GPAT3: variants seen among roughly 807,000 people sequenced by gnomAD.
GPAT3 encodes 1-AGP acyltransferase 9.
Under a neutral mutation model 58.8 loss-of-function variants are expected in GPAT3, and 53 were observed. The ratio of observed to expected loss-of-function variants is 0.90; its 90% confidence interval spans 0.72 to 1.13. The LOEUF is 1.13. Ranked by LOEUF, GPAT3 falls within the 50% of genes most tolerant of loss-of-function variation. The probability of loss-of-function intolerance (pLI) is 0.00; values close to 1 mark genes in which losing one functional copy is unlikely to be tolerated. For missense variants in GPAT3, 511 were observed against 527.6 expected (o/e 0.97, Z 0.31); for synonymous variants, 197 against 187.4 (o/e 1.05, Z -0.42).
At chr4:83,589,209 C>T (rs1452466225) in intron 5 of GPAT3, among the ~76,000 whole-genome samples, 1 of 152,194 alleles carries the variant, frequency 6.6e-6, no homozygotes. Context: ...TTCCTAACTT[C>T]TTATAGAATT....
chr4:83,581,863 C>A (rs200743329), intron 3 of GPAT3, 31 bp downstream of exon 3: 12 of 1,576,612 alleles, frequency 7.6e-6, no homozygotes, highest in Non-Finnish European at 1.0e-5. Flanking sequence ...TTTGATGATA[C>A]GCTTGACTCA....
chr4:83,602,397 C>T (rs1298469875), intron 11 of GPAT3, among the ~76,000 whole-genome samples: 2 of 152,056 alleles, frequency 1.3e-5, no homozygotes, highest in Non-Finnish European at 2.9e-5. Context: ...ATTACCTAGC[C>T]TCTTAAAAAA....
chr4:83,568,841 C>T (rs1249951200), intron 2 of GPAT3, among the ~76,000 whole-genome samples: 2 of 152,116 alleles, frequency 1.3e-5, no homozygotes, highest in Admixed American at 6.6e-5. Context: ...CTCTTCAATT[C>T]CCCCACTTCC....
At chr4:83,571,866 G>A (rs528885557) in intron 2 of GPAT3, among the ~76,000 whole-genome samples, 9 of 151,864 alleles carry the variant, frequency 5.9e-5, no homozygotes, top group Admixed American at 2.0e-4. Context: ...TCTGCCTCCC[G>A]GGTTCAAGCA....
At chr4:83,589,268 T>C (rs1726500574) in intron 5 of GPAT3, among the ~76,000 whole-genome samples, 1 of 152,232 alleles carries the variant, frequency 6.6e-6, no homozygotes, top group Non-Finnish European at 1.5e-5. Context: ...ATTTGGTTCT[T>C]TCTTCTCTGT....
chr4:83,598,522 A>G lies in GPAT3; in HGVS notation c.1126-122A>G, dbSNP rs1293209954. On this transcript the variant is annotated intron_variant, in intron 10 of 11. Transcript: ENST00000264409. ...TGATATTTGCTATGATTGATTAAGAATAGAAAGCATTTGAGCTGAAATATG... is the reference window on the plus strand; with the variant it reads ...TGATATTTGCTATGATTGATTAAGAGTAGAAAGCATTTGAGCTGAAATATG... 6.7e-6 allele frequency: 6 copies of G among 902,242 alleles called. No individual in the cohort carries two copies. In the African/African-American group the frequency reaches 8.5e-5, roughly 13 times the overall value. The allele number at this position is 902,242 out of a possible 1,614,324, so 55.9% of individuals were successfully genotyped here. A position where few individuals can be genotyped will look rare whatever the true frequency, so the allele number is the denominator to read the frequency against.
At chr4:83,539,092 C>A (rs1014966806) in intron 1 of GPAT3, among the ~76,000 whole-genome samples, 1 of 152,194 alleles carries the variant, frequency 6.6e-6, no homozygotes, top group African/African-American at 2.4e-5. Flanking sequence ...GATCCTCTAT[C>A]CTTCAACTAG....
chr4:83,595,016 T>C (rs892089863), intron 7 of GPAT3, 56 bp downstream of exon 7: 7 of 1,501,342 alleles, frequency 4.7e-6, no homozygotes, highest in Non-Finnish European at 4.6e-6. Flanking sequence ...TGACCAATCT[T>C]GGCCTTGCTA....
intron 2 of GPAT3, among the ~76,000 whole-genome samples, chr4:83,553,649 A>G (rs1211477157): frequency 1.3e-5 from 2 of 152,158 alleles, no homozygotes; most frequent in Admixed American, 1.3e-4. Context: ...CTGTAATCCC[A>G]GCACTTTGGG....
At chr4:83,578,936 T>G in intron 2 of GPAT3, among the ~76,000 whole-genome samples, 1 of 1,882 alleles carries the variant, frequency 5.3e-4, no homozygotes, top group African/African-American at 2.8e-3. Flanking sequence ...TTTCTTTCTT[T>G]CTTTTCTTTT....
chr4:83,541,393 CTTTT>C (rs777665390), intron 1 of GPAT3, among the ~76,000 whole-genome samples: 1 of 113,704 alleles, frequency 8.8e-6, no homozygotes, highest in Non-Finnish European at 1.7e-5. Context: ...AATTTAAAAC[CTTTT>C]TTTTTTTTTT....
intron 2 of GPAT3, among the ~76,000 whole-genome samples, chr4:83,555,415 G>T (rs559187541): frequency 1.1e-3 from 172 of 151,694 alleles, no homozygotes; most frequent in Admixed American, 2.6e-3. Context: ...TATGGAAGCT[G>T]ATGTCATGAA....
intron 2 of GPAT3, among the ~76,000 whole-genome samples, chr4:83,548,104 C>T (rs1724614155): frequency 6.6e-6 from 1 of 152,124 alleles, no homozygotes. Context: ...TTATAGTTAC[C>T]CTTCTACCCT....
chr4:83,595,713 TAA>T (rs113323142), intron 7 of GPAT3, among the ~76,000 whole-genome samples: 4 of 143,620 alleles, frequency 2.8e-5, no homozygotes, highest in African/African-American at 5.1e-5. Context: ...GACCTTGTCT[TAA>T]AAAAAAAAAA....
Position 83,536,667 on chromosome 4 carries a change from G to C in GPAT3, c.45G>C (p.Leu15=). Residue 15 remains leucine (L), a synonymous_variant, in exon 1 of 12, where the codon CTG becomes CTC. Coordinates refer to ENST00000264409, the MANE Select transcript of GPAT3 (RefSeq NM_032717.5). Reference sequence around the variant, plus strand: ...CCGGGAAGATCCTTTCCACCTGGCTGACGCTGGTTCTCGGCTTCATCCTTT... The same window carrying C: ...CCGGGAAGATCCTTTCCACCTGGCTCACGCTGGTTCTCGGCTTCATCCTTT... ...ELAGKILSTW[L]TLVLGFILLP... is the part of the protein sequence containing the mutation. 1.9e-6 allele frequency: 3 copies of C among 1,613,552 alleles called. No homozygotes were observed. The highest frequency in any genetic ancestry group is 2.5e-6 in the Non-Finnish European group (3 of 1,180,016).
intron 3 of GPAT3, among the ~76,000 whole-genome samples, chr4:83,582,534 G>T (rs1276782766): frequency 6.6e-6 from 1 of 152,158 alleles, no homozygotes; most frequent in Non-Finnish European, 1.5e-5. Context: ...GCAGTAGTAG[G>T]CACGTATACC....
At chr4:83,589,522 C>T (rs1726510949) in intron 5 of GPAT3, among the ~76,000 whole-genome samples, 1 of 152,184 alleles carries the variant, frequency 6.6e-6, no homozygotes, top group African/African-American at 2.4e-5. Context: ...AAAGTATTTG[C>T]TGTCTGGCCC....
intron 2 of GPAT3, among the ~76,000 whole-genome samples, chr4:83,548,613 C>T (rs1057382255): frequency 6.6e-6 from 1 of 152,130 alleles, no homozygotes; most frequent in African/African-American, 2.4e-5. Flanking sequence ...GGTGGCTTGT[C>T]ATTTTGGCAT....
intron 3 of GPAT3, among the ~76,000 whole-genome samples, chr4:83,585,614 TC>T (rs1269304665): frequency 2.1e-5 from 3 of 144,646 alleles, no homozygotes; most frequent in African/African-American, 7.3e-5. Context: ...TTACGCTGTT[TC>T]TTTTTTTTTT....
Sources: allele counts gnomAD v4.1 joint callset (sites outside exome capture counted in the v4.1 genomes callset), GRCh38; gene constraint gnomAD v4.1.1; transcripts MANE v1.5; gene names NCBI Gene and HGNC (gene_info 2026-07-23, HGNC 2026-07-21).